SEMA5B: variants seen among roughly 807,000 people sequenced by gnomAD.
SEMA5B encodes semaphorin-5B.
In SEMA5B, 66 loss-of-function variants were observed where a neutral mutation model predicts 135.0. The observed-to-expected ratio is 0.49, with a 90% CI of 0.40 to 0.60. The LOEUF is 0.60. Among genes scored for constraint, SEMA5B ranks in the 20% least tolerant of loss-of-function variants. The pLI, the probability that SEMA5B is intolerant of heterozygous loss-of-function variation, is 0.00. For missense variants in SEMA5B, 1,501 were observed against 1,566.3 expected (o/e 0.96, Z 0.70); for synonymous variants, 690 against 639.5 (o/e 1.08, Z -1.19).
At chr3:123,013,433 A>G (rs1942482993) in intron 1 of SEMA5B, among the ~76,000 whole-genome samples, 3 of 152,210 alleles carry the variant, frequency 2.0e-5, no homozygotes, top group Admixed American at 2.0e-4. Context: ...TTTCCAGGTG[A>G]CCTGCTATAC....
At chr3:122,956,863 GCGGGTGA>G (rs940768886) in intron 2 of SEMA5B, among the ~76,000 whole-genome samples, 11 of 152,222 alleles carry the variant, frequency 7.2e-5, no homozygotes, top group African/African-American at 2.7e-4. Flanking sequence ...TCCTGGGAAA[GCGGGTGA>G]CGGGCTGCAG....
chr3:123,011,012 G>A (rs9863672), intron 1 of SEMA5B, among the ~76,000 whole-genome samples: 24,407 of 152,000 alleles, frequency 0.16, 3,341 homozygotes, highest in African/African-American at 0.37. Context: ...CAGACAGCCC[G>A]TCCTGGGAGC....
intron 1 of SEMA5B, among the ~76,000 whole-genome samples, chr3:122,980,986 TC>T (rs1347650334): frequency 6.6e-6 from 1 of 152,240 alleles, no homozygotes; most frequent in Non-Finnish European, 1.5e-5. Context: ...GTAGCATGTA[TC>T]CTTAAATTAT....
intron 2 of SEMA5B, among the ~76,000 whole-genome samples, chr3:122,955,137 T>C (rs766989183): frequency 2.0e-5 from 3 of 151,368 alleles, no homozygotes; most frequent in Non-Finnish European, 2.9e-5. Context: ...AGACCGTGTC[T>C]CTAAAAAAAC....
intron 5 of SEMA5B, among the ~76,000 whole-genome samples, chr3:122,936,271 C>T (rs1344244656): frequency 6.6e-6 from 1 of 152,202 alleles, no homozygotes; most frequent in Non-Finnish European, 1.5e-5. Flanking sequence ...TGGATCATCT[C>T]CATGAAAACT....
rs1435567995 is a variant in SEMA5B, at chr3:122,999,242, T to C, written c.-39+28222A>G. On this transcript the variant is annotated intron_variant, in intron 1 of 22. Transcript: ENST00000357599. ...AATTTTAAGTAGATTTTTCTTTTTT[T>C]TTAGATGGAGTCTCACTCTTGTCGC... 2.0e-5 allele frequency among the ~76,000 whole-genome samples: 3 copies of C among 152,190 alleles called. No homozygotes were observed. In the East Asian group the frequency reaches 5.8e-4, roughly 29 times the overall value.
intron 2 of SEMA5B, among the ~76,000 whole-genome samples, chr3:122,956,804 T>A (rs1027324843): frequency 5.3e-5 from 8 of 151,906 alleles, no homozygotes; most frequent in Non-Finnish European, 1.2e-4. Flanking sequence ...GATGCATGGG[T>A]AGAGCAGCGG....
intron 8 of SEMA5B, 95 bp downstream of exon 8, chr3:122,927,695 A>T (rs1938714372): frequency 1.1e-6 from 1 of 903,910 alleles, no homozygotes; most frequent in Non-Finnish European, 1.5e-6. Context: ...GCACTTGCAG[A>T]GGTTGGCAGG....
chr3:122,931,809 G>A (rs1005786736), intron 5 of SEMA5B, among the ~76,000 whole-genome samples: 2 of 152,126 alleles, frequency 1.3e-5, no homozygotes, highest in Admixed American at 6.6e-5. Flanking sequence ...GAATGAGCAC[G>A]ATACCAAAAG....
chr3:122,989,810 G>T (rs1209229640), intron 1 of SEMA5B, among the ~76,000 whole-genome samples: 1 of 152,156 alleles, frequency 6.6e-6, no homozygotes, highest in Non-Finnish European at 1.5e-5. Context: ...TTGGTTCCCT[G>T]GGGGAGTAAA....
rs1939656191 is a variant in SEMA5B, at chr3:122,943,508, G to A, written c.356C>T (p.Thr119Ile). 1 of 1,609,844 alleles carries A rather than the reference G, an allele frequency of 6.2e-7. No homozygotes were observed. The change falls in exon 4 of 23, where the codon ACC (threonine) becomes ATC (isoleucine). Residue 119 changes from threonine (T) to isoleucine (I), a missense_variant. Thr to Ile is a moderately conservative substitution (Grantham distance 89). This residue lies in a region of SEMA5B where 574 missense variants were observed against 684.7 expected (regional missense o/e 0.84). Coordinates refer to ENST00000357599, the MANE Select transcript of SEMA5B (RefSeq NM_001031702.4). ...GGAGAAATCCCGGGCTCCAGGGTAG[G>A]TGAAGTTAGAGACCCACGGCTGCAG... ...EDLQPWVSNF[T>I]YPGARDFSQL...
At chr3:122,928,869 G>A in intron 6 of SEMA5B, 127 bp downstream of exon 6, 1 of 937,768 alleles carries the variant, frequency 1.1e-6, no homozygotes, top group East Asian at 2.6e-5. Context: ...TGCCCAAGGA[G>A]CCCCAGCTCA....
intron 10 of SEMA5B, 45 bp downstream of exon 10, chr3:122,923,572 G>A (rs981881398): frequency 5.6e-6 from 9 of 1,610,190 alleles, no homozygotes; most frequent in Non-Finnish European, 7.6e-6. Flanking sequence ...TAATCTGGGG[G>A]TAAGGCAGTG....
At chr3:122,928,154 T>C (rs529019654) in intron 7 of SEMA5B, 151 bp from the exon 8 acceptor site, 77 of 589,864 alleles carry the variant, frequency 1.3e-4, no homozygotes. Context: ...ATGGTCCCTC[T>C]GAGGGAGCAG....
chr3:122,921,964 C>A lies in SEMA5B; in HGVS notation c.1639G>T (p.Gly547Cys), dbSNP rs1295551742. 2 of 1,536,046 alleles carry A rather than the reference C, an allele frequency of 1.3e-6. No individual in the cohort carries two copies. Among genetic ancestry groups the A allele is most frequent in the African/African-American group, 1.4e-5 (1 of 72,664 alleles). The stretch of plus-strand genomic sequence containing the variant: ...CTCTCCAGTGGGACCCGCAGGACGC[C>A]GTCTCTCAGCCCCACGAAGAGCGCG... ...ARALFVGLRD[G>C]VLRVPLERCA... is the part of the protein sequence containing the mutation. Residue 547 changes from glycine (G) to cysteine (C), a missense_variant, in exon 12 of 23, where the codon GGC (glycine) becomes TGC (cysteine). Coordinates refer to ENST00000357599, the MANE Select transcript of SEMA5B (RefSeq NM_001031702.4).
intron 2 of SEMA5B, among the ~76,000 whole-genome samples, chr3:122,956,414 G>C (rs1399482922): frequency 6.6e-6 from 1 of 152,190 alleles, no homozygotes; most frequent in African/African-American, 2.4e-5. Flanking sequence ...TCCCAGCACA[G>C]AGATTAGGAA....
At chr3:122,930,926 A>G (rs749051776) in intron 5 of SEMA5B, among the ~76,000 whole-genome samples, 1 of 152,234 alleles carries the variant, frequency 6.6e-6, no homozygotes, top group Non-Finnish European at 1.5e-5. Context: ...TACATCCTGC[A>G]GCCTCTCACA....
chr3:122,939,155 T>C (rs527337982), intron 5 of SEMA5B, among the ~76,000 whole-genome samples: 66 of 152,362 alleles, frequency 4.3e-4, no homozygotes, highest in African/African-American at 1.4e-3. Context: ...AGCCTGGCAT[T>C]CTTTTTCTCC....
intron 4 of SEMA5B, among the ~76,000 whole-genome samples, chr3:122,939,714 T>C (rs1939469467): frequency 6.6e-6 from 1 of 152,166 alleles, no homozygotes; most frequent in Non-Finnish European, 1.5e-5. Context: ...GTCACCAAGA[T>C]AGTAAGTGAA....
Sources: allele counts gnomAD v4.1 joint callset (sites outside exome capture counted in the v4.1 genomes callset), GRCh38; gene constraint gnomAD v4.1.1; regional missense constraint gnomAD v4.1.1; transcripts MANE v1.5; gene names NCBI Gene and HGNC (gene_info 2026-07-23, HGNC 2026-07-21).